Variants in CSMD1 observed in about 807,000 individuals in gnomAD.
The protein encoded by CSMD1 is CUB and sushi domain-containing protein 1.
Under a neutral mutation model 417.5 loss-of-function variants are expected in CSMD1, and 213 were observed. The ratio of observed to expected loss-of-function variants is 0.51; its 90% confidence interval spans 0.46 to 0.57. CSMD1 has a LOEUF of 0.57. Among genes scored for constraint, CSMD1 ranks in the 20% least tolerant of loss-of-function variants. The pLI is 0.00. For missense variants in CSMD1, 6,923 were observed against 4,529.7 expected (o/e 1.53, Z -15.17); for synonymous variants, 2,862 against 1,736.8 (o/e 1.65, Z -16.11).
In CSMD1 at chr8:4,184,816, A is replaced by C. The variant is rs1798571817; in HGVS notation, c.416-152717T>G. Among the ~76,000 whole-genome samples, 4 of 152,048 alleles carry C rather than the reference A, an allele frequency of 2.6e-5. No homozygotes were observed. In the South Asian group the frequency reaches 8.3e-4, roughly 32 times the overall value. ...ACACAGGTTTACTTATATAGGAAAC[A>C]TGCACATGTACCCCTGAATTTAAAA... On this transcript the variant is annotated intron_variant, in intron 3 of 69. Coordinates refer to ENST00000635120, the MANE Select transcript of CSMD1 (RefSeq NM_033225.6).
rs1286694272 is a variant in CSMD1 at position 3,406,109 on chromosome 8, G to C, written c.2184C>G (p.Val728=). The C allele has an allele frequency of 4.3e-6, 7 of 1,613,906 alleles. No individual in the cohort carries two copies. The highest frequency in any genetic ancestry group is 3.4e-6 in the Non-Finnish European group (4 of 1,179,882). The change falls in exon 15 of 70, where the codon GTC becomes GTG. Residue 728 remains valine, a synonymous_variant. Transcript: ENST00000635120. Reference sequence around the variant, plus strand: ...TAATGGACTCGGATCCCTGGGTCTTGACAAAGCCATCATCACAGTGGAAAG... The same window carrying C: ...TAATGGACTCGGATCCCTGGGTCTTCACAAAGCCATCATCACAGTGGAAAG... The part of the protein sequence containing the change: ...SVSFHCDDGF[V]KTQGSESITC...
intron 26 of CSMD1, among the ~76,000 whole-genome samples, chr8:3,281,064 C>A (rs187602021): frequency 1.3e-5 from 2 of 152,150 alleles, no homozygotes; most frequent in African/African-American, 4.8e-5. Flanking sequence ...TACGTCCACA[C>A]AAAAACCTGC....
intron 25 of CSMD1, among the ~76,000 whole-genome samples, chr8:3,304,737 ATTTT>A (rs1174603281): frequency 5.4e-5 from 7 of 130,694 alleles, no homozygotes; most frequent in Non-Finnish European, 1.2e-4. Flanking sequence ...TCTCTTTTTA[ATTTT>A]TTTTATTAAA....
chr8:4,903,739 G>C (rs1585297324), intron 1 of CSMD1, among the ~76,000 whole-genome samples: 1 of 152,168 alleles, frequency 6.6e-6, no homozygotes, highest in African/African-American at 2.4e-5. Context: ...AGCAGTCAGA[G>C]CTCCACAATG....
At chr8:3,415,913 A>C (rs1191762400) in intron 12 of CSMD1, among the ~76,000 whole-genome samples, 1 of 152,222 alleles carries the variant, frequency 6.6e-6, no homozygotes, top group East Asian at 1.9e-4. Flanking sequence ...TTGCCAAAGA[A>C]GATTTTGAGT....
At chr8:4,165,502 C>G (rs1208995734) in intron 3 of CSMD1, among the ~76,000 whole-genome samples, 3 of 152,182 alleles carry the variant, frequency 2.0e-5, no homozygotes, top group African/African-American at 7.2e-5. Flanking sequence ...TGCCCAAGCT[C>G]AAGTCATCCT....
intron 4 of CSMD1, among the ~76,000 whole-genome samples, chr8:4,007,692 T>G (rs1244873408): frequency 6.6e-6 from 1 of 152,036 alleles, no homozygotes. Context: ...TTTTTTTTCA[T>G]GCAATGAATG....
chr8:3,268,413 C>T (rs903031274), intron 26 of CSMD1, among the ~76,000 whole-genome samples: 12 of 150,986 alleles, frequency 7.9e-5, no homozygotes, highest in African/African-American at 2.7e-4. Flanking sequence ...CTCAACCTCC[C>T]GAGTAACTGG....
intron 3 of CSMD1, among the ~76,000 whole-genome samples, chr8:4,201,538 CACAAAAAAAAAA>C (rs1456084893): frequency 3.2e-4 from 9 of 27,972 alleles, no homozygotes; most frequent in African/African-American, 1.3e-3. Context: ...ACTCTGTCTC[CACAAAAAAAAAA>C]AAAAAAAAAA....
intron 3 of CSMD1, among the ~76,000 whole-genome samples, chr8:4,136,720 T>A (rs1202934145): frequency 6.6e-6 from 1 of 152,212 alleles, no homozygotes; most frequent in African/African-American, 2.4e-5. Flanking sequence ...TATGTAGCCA[T>A]CAAGCCAACG....
chr8:3,225,542 A>G (rs1457215865), intron 27 of CSMD1, among the ~76,000 whole-genome samples: 2 of 152,114 alleles, frequency 1.3e-5, no homozygotes, highest in Non-Finnish European at 2.9e-5. Flanking sequence ...TGATGCAGAG[A>G]AAGAAGGTAC....
intron 5 of CSMD1, among the ~76,000 whole-genome samples, chr8:3,954,790 A>G (rs1010288133): frequency 8.6e-5 from 13 of 151,734 alleles, no homozygotes; most frequent in South Asian, 6.2e-4. Flanking sequence ...AGTTACATGC[A>G]CGCAGAGCCT....
intron 26 of CSMD1, among the ~76,000 whole-genome samples, chr8:3,244,802 T>C (rs757964408): frequency 5.9e-5 from 9 of 152,180 alleles, no homozygotes; most frequent in Non-Finnish European, 1.3e-4. Context: ...CCAAGCATCA[T>C]AGTCACAGAT....
rs551158100 is a variant in CSMD1, at chr8:3,155,974, G to A, written c.5914+1923C>T. Among the ~76,000 whole-genome samples, 6 of 152,256 alleles carry A rather than the reference G, an allele frequency of 3.9e-5. No homozygotes were observed. The East Asian group carries it at 7.7e-4, about 20-fold the overall frequency. ...AAATTGTGTATTACTAAAAACCATT[G>A]AATACCTAAATTTATTTGAGATGTG... On this transcript the variant is annotated intron_variant, in intron 39 of 69. Coordinates refer to ENST00000635120, the MANE Select transcript of CSMD1 (RefSeq NM_033225.6).
Position 3,655,915 on chromosome 8 carries a change from G to T in CSMD1, c.1010-39118C>A, listed in dbSNP as rs138411780. On this transcript the variant is annotated intron_variant, in intron 7 of 69. Coordinates refer to ENST00000635120, the MANE Select transcript of CSMD1 (RefSeq NM_033225.6). ...AAGACCTTAATCCTTGTGATGCCAG[G>T]AATGAAGAGCAGGACTGGAGCCCTC... is the stretch of plus-strand genomic sequence containing the variant. Among the ~76,000 whole-genome samples the T allele has an allele frequency of 2.5e-3, 377 of 152,250 alleles. 2 individuals carry two copies. The highest frequency in any genetic ancestry group is 8.8e-3 in the African/African-American group (366 of 41,536).
intron 49 of CSMD1, among the ~76,000 whole-genome samples, chr8:3,073,683 A>T (rs956517468): frequency 2.6e-5 from 4 of 152,304 alleles, no homozygotes; most frequent in Middle Eastern, 3.4e-3. Context: ...ATGACTGACA[A>T]GTGGCTAATA....
At chr8:3,477,019 T>C (rs1817470611) in intron 11 of CSMD1, among the ~76,000 whole-genome samples, 1 of 152,156 alleles carries the variant, frequency 6.6e-6, no homozygotes, top group Non-Finnish European at 1.5e-5. Flanking sequence ...GAAGGGAATG[T>C]TCTGTGTTCT....
intron 7 of CSMD1, among the ~76,000 whole-genome samples, chr8:3,618,246 A>G (rs1313881029): frequency 6.6e-6 from 1 of 152,088 alleles, no homozygotes; most frequent in African/African-American, 2.4e-5. Flanking sequence ...CTCAAGTGAC[A>G]CTCGCACTGT....
intron 5 of CSMD1, among the ~76,000 whole-genome samples, chr8:3,828,510 T>C (rs117103818): frequency 0.034 from 5,242 of 152,306 alleles, 132 homozygotes; most frequent in Middle Eastern, 0.058. Flanking sequence ...TCCCAAACAC[T>C]AGTTATCTAT....
Sources: gnomAD v4.1 joint callset for allele counts (sites outside exome capture counted in the v4.1 genomes callset) on GRCh38, gnomAD v4.1.1 for gene constraint, MANE v1.5 for transcripts, NCBI Gene and HGNC (gene_info 2026-07-23, HGNC 2026-07-21) for gene names.